The following PDE4D variants were observed in gnomAD, a reference collection of about 807,000 sequenced individuals.
PDE4D encodes the protein phosphodiesterase 4D.
Under a neutral mutation model 87.4 loss-of-function variants are expected in PDE4D, and 24 were observed. The ratio of observed to expected loss-of-function variants is 0.27; its 90% CI spans 0.20 to 0.39. The LOEUF is 0.39. Among genes scored for constraint, PDE4D ranks in the 10% least tolerant of loss-of-function variants. The pLI is 1.00. For missense variants in PDE4D, 714 were observed against 1,041.0 expected, an observed-to-expected ratio of 0.69 and a Z score of 4.32; for synonymous variants, 384 against 383.2, an observed-to-expected ratio of 1.00 and a Z score of -0.02.
At chr5:59,179,255 C>T (rs1038029021) in intron 5 of PDE4D, among the ~76,000 whole-genome samples, 1 of 151,992 alleles carries the variant, frequency 6.6e-6, no homozygotes, top group African/African-American at 2.4e-5. Context: ...TACAGGTGCT[C>T]GCCACCATGC....
At position 59,967,528 on chromosome 5, in the gene PDE4D, A is replaced by C. The variant is rs527696554; in HGVS notation, c.272+20960T>G. Among the ~76,000 whole-genome samples, 17 of 152,340 alleles carry C rather than the reference A, an allele frequency of 1.1e-4. No individual in the cohort carries two copies. In the South Asian group the frequency reaches 3.5e-3, roughly 32 times the overall value. ...GCTTACGTCACTAATCATCAGAGAA[A>C]TGCAAATCAAAACCACAATAAGATA... On this transcript the variant is annotated intron_variant, in intron 3 of 16. Transcript: ENST00000502484.
At chr5:60,398,510 A>G (rs1319070340) in intron 1 of PDE4D, among the ~76,000 whole-genome samples, 1 of 152,148 alleles carries the variant, frequency 6.6e-6, no homozygotes. Context: ...TGAGTTCTCA[A>G]GAGAGTTACT....
At chr5:59,424,994 T>C (rs1794997036) in intron 1 of PDE4D, among the ~76,000 whole-genome samples, 1 of 152,208 alleles carries the variant, frequency 6.6e-6, no homozygotes, top group Non-Finnish European at 1.5e-5. Flanking sequence ...AGTCTGGAGC[T>C]ACAATAATGT....
At chr5:60,365,101 A>C (rs1271320254) in intron 1 of PDE4D, among the ~76,000 whole-genome samples, 1 of 152,196 alleles carries the variant, frequency 6.6e-6, no homozygotes, top group Non-Finnish European at 1.5e-5. Context: ...AAAGTAGAGA[A>C]GCTTCCCACT....
chr5:60,252,335 C>A (rs1443451917), intron 1 of PDE4D, among the ~76,000 whole-genome samples: 2 of 148,052 alleles, frequency 1.4e-5, no homozygotes, highest in African/African-American at 5.0e-5. Flanking sequence ...GAAATAGTTT[C>A]TTTTTAAAAA....
At chr5:59,515,399 G>C (rs532492976) in intron 1 of PDE4D, among the ~76,000 whole-genome samples, 1 of 152,040 alleles carries the variant, frequency 6.6e-6, no homozygotes, top group Non-Finnish European at 1.5e-5. Flanking sequence ...GATCCCTCAG[G>C]GATTCATATT....
chr5:59,298,308 GT>G (rs1326403904), intron 1 of PDE4D, among the ~76,000 whole-genome samples: 1 of 151,850 alleles, frequency 6.6e-6, no homozygotes, highest in African/African-American at 2.4e-5. Context: ...TAGAGATGGG[GT>G]TTCACCATGT....
Position 60,108,839 on chromosome 5 carries a change from C to T in PDE4D, c.42+76718G>A, listed in dbSNP as rs1278578896. ...AAGCTGAAACTGGATCCCTTCCTTA[C>T]ACCTTATACAAAAATCAATTCAAGA... is the stretch of plus-strand genomic sequence containing the variant. On this transcript the variant is annotated intron_variant, in intron 2 of 16. Coordinates refer to the PDE4D transcript ENST00000502484. Among the ~76,000 whole-genome samples, 5 of 152,146 alleles carry T rather than the reference C, an allele frequency of 3.3e-5. No individual in the cohort carries two copies. The East Asian group carries it at 9.7e-4, about 29-fold the overall frequency.
exon 2 of PDE4D, chr5:60,185,682 G>T (rs557619619): frequency 1.6e-4 from 122 of 774,572 alleles, no homozygotes; most frequent in Admixed American, 8.8e-4. Flanking sequence ...AAAGCCAACT[G>T]GAATGCTGAA....
chr5:59,193,386 G>A, intron 3 of PDE4D, 114 bp downstream of exon 3: 1 of 987,688 alleles, frequency 1.0e-6, no homozygotes, highest in Non-Finnish European at 1.5e-6. Flanking sequence ...CCAAGAATTT[G>A]TATTTGTACT....
At chr5:59,886,953 G>C (rs1750248376) in intron 1 of PDE4D, among the ~76,000 whole-genome samples, 1 of 151,912 alleles carries the variant, frequency 6.6e-6, no homozygotes, top group East Asian at 1.9e-4. Context: ...GGAATGAGGA[G>C]AGGTTGGAGC....
At chr5:59,383,305 A>G (rs1229457644) in intron 1 of PDE4D, among the ~76,000 whole-genome samples, 2 of 129,818 alleles carry the variant, frequency 1.5e-5, no homozygotes, top group African/African-American at 6.9e-5. Flanking sequence ...CTAGCCTTCC[A>G]GCCATTCCTG....
At chr5:59,622,360 C>A (rs1341899488) in intron 1 of PDE4D, among the ~76,000 whole-genome samples, 4 of 152,084 alleles carry the variant, frequency 2.6e-5, no homozygotes, top group African/African-American at 9.7e-5. Context: ...AAAAGTCATG[C>A]CAGAGTTATT....
intron 2 of PDE4D, among the ~76,000 whole-genome samples, chr5:60,179,941 A>C (rs1348962789): frequency 6.6e-6 from 1 of 152,166 alleles, no homozygotes; most frequent in Non-Finnish European, 1.5e-5. Flanking sequence ...TGTCTGTAAG[A>C]ATAATTTTTT....
rs544545642 is a variant in PDE4D, at chr5:59,028,361, A to G, written c.921+10498T>C. Among the ~76,000 whole-genome samples the G allele has an allele frequency of 7.9e-5, 12 of 152,010 alleles. No homozygotes were observed. The East Asian group carries it at 1.3e-3, about 17-fold the overall frequency. On this transcript the variant is annotated intron_variant, in intron 6 of 14. Transcript: ENST00000340635. ...ATTATTAGGTCACTTTATCAAAAGG[A>G]TAGAAATCAGGATGGCAGACACCCT...
intron 1 of PDE4D, among the ~76,000 whole-genome samples, chr5:59,854,649 T>A (rs1203611787): frequency 6.6e-6 from 1 of 152,096 alleles, no homozygotes; most frequent in Non-Finnish European, 1.5e-5. Flanking sequence ...CTGAACCTTA[T>A]CTTGAAATAA....
intron 1 of PDE4D, among the ~76,000 whole-genome samples, chr5:59,402,035 C>T (rs917666677): frequency 1.3e-5 from 2 of 152,186 alleles, no homozygotes; most frequent in African/African-American, 4.8e-5. Flanking sequence ...AATTCAAAAT[C>T]TGCAAGGAAT....
At chr5:59,177,697 C>T (rs565375079) in intron 5 of PDE4D, among the ~76,000 whole-genome samples, 7 of 152,264 alleles carry the variant, frequency 4.6e-5, no homozygotes, top group South Asian at 2.1e-4. Context: ...AGTTGCCCTC[C>T]GGAGGCACTT....
intron 1 of PDE4D, among the ~76,000 whole-genome samples, chr5:59,661,218 T>C (rs1745213159): frequency 6.6e-6 from 1 of 152,082 alleles, no homozygotes; most frequent in South Asian, 2.1e-4. Flanking sequence ...ATAATATTTC[T>C]AAATCAACAG....
Sources: allele counts gnomAD v4.1 joint callset (sites outside exome capture counted in the v4.1 genomes callset), GRCh38; gene constraint gnomAD v4.1.1; transcripts MANE v1.5; gene names NCBI Gene and HGNC (gene_info 2026-07-23, HGNC 2026-07-21).